Variants in EPB41L4A observed in about 807,000 individuals in gnomAD.
EPB41L4A encodes the protein band 4.1-like protein 4A.
EPB41L4A carries 100 observed loss-of-function variants against 108.6 expected under a neutral mutation model. The observed-to-expected ratio is 0.92, with a 90% CI of 0.78 to 1.09. The LOEUF is 1.09. Ranked by LOEUF, EPB41L4A falls within the 50% of genes least tolerant of loss-of-function variation. The probability of loss-of-function intolerance (pLI) is 0.00; values close to 1 mark genes in which losing one functional copy is unlikely to be tolerated. For synonymous variants in EPB41L4A, 319 were observed against 289.0 expected (o/e 1.10, Z -1.05); for missense variants, 1,030 against 842.7 (o/e 1.22, Z -2.75).
At chr5:112,390,623 T>C (rs540073784) in intron 1 of EPB41L4A, among the ~76,000 whole-genome samples, 16 of 152,290 alleles carry the variant, frequency 1.1e-4, no homozygotes, top group African/African-American at 3.8e-4. Flanking sequence ...GGGCACGGCA[T>C]AGCTGAACAA....
intron 3 of EPB41L4A, among the ~76,000 whole-genome samples, chr5:112,278,361 T>TC (rs1390788697): frequency 2.6e-5 from 4 of 151,686 alleles, no homozygotes; most frequent in Admixed American, 2.6e-4. Flanking sequence ...AGCCATCCTC[T>TC]CTGCCTCAGC....
At chr5:112,407,243 T>G (rs920294191) in intron 1 of EPB41L4A, among the ~76,000 whole-genome samples, 2 of 152,220 alleles carry the variant, frequency 1.3e-5, no homozygotes, top group African/African-American at 4.8e-5. Context: ...GTTTGAATAC[T>G]ATTGACTTTT....
chr5:112,254,759 AC>A (rs1280174529), intron 9 of EPB41L4A, among the ~76,000 whole-genome samples: 3 of 151,050 alleles, frequency 2.0e-5, no homozygotes, highest in Non-Finnish European at 4.4e-5. Context: ...TATCTCAGTC[AC>A]CCCCCAGTAA....
chr5:112,281,998 A>T (rs1752994501), intron 2 of EPB41L4A, among the ~76,000 whole-genome samples: 1 of 152,072 alleles, frequency 6.6e-6, no homozygotes, highest in Non-Finnish European at 1.5e-5. Flanking sequence ...TAGCAACTAA[A>T]AACTAAAAAT....
intron 1 of EPB41L4A, among the ~76,000 whole-genome samples, chr5:112,332,663 C>A (rs988163317): frequency 6.6e-6 from 1 of 152,140 alleles, no homozygotes; most frequent in East Asian, 1.9e-4. Context: ...ATTTGACTGA[C>A]ACCAGGTTAT....
chr5:112,414,185 T>G (rs1762575505), intron 1 of EPB41L4A, among the ~76,000 whole-genome samples: 1 of 152,168 alleles, frequency 6.6e-6, no homozygotes, highest in African/African-American at 2.4e-5. Context: ...GAAGCACGTG[T>G]AAAGATACTT....
rs201959084 is a variant in EPB41L4A at position 112,262,514 on chromosome 5, C to A, written c.622G>T (p.Val208Phe). Residue 208 changes from valine to phenylalanine, a missense_variant, in exon 7 of 23, where the codon GTT becomes TTT. Val to Phe is a conservative substitution (Grantham distance 50, BLOSUM62 -1). Transcript: ENST00000261486. Reference sequence around the variant, plus strand: ...CTCACATAGACGGGATGGAGGTCAACGCCATACATCTCCAGGGATTTGGCA... The same window carrying A: ...CTCACATAGACGGGATGGAGGTCAAAGCCATACATCTCCAGGGATTTGGCA... Reference protein sequence around the residue: ...RTAKSLEMYGVDLHPVYGENK... With the variant: ...RTAKSLEMYGFDLHPVYGENK... 2.5e-6 allele frequency: 4 copies of A among 1,613,804 alleles called. No individual in the cohort carries two copies. Among genetic ancestry groups the A allele is most frequent in the Admixed American group, 1.7e-5 (1 of 60,020 alleles).
chr5:112,369,556 A>G (rs1232573702), intron 1 of EPB41L4A, among the ~76,000 whole-genome samples: 1 of 152,184 alleles, frequency 6.6e-6, no homozygotes, highest in Non-Finnish European at 1.5e-5. Flanking sequence ...CCACTTATTT[A>G]CAATAATGGA....
chr5:112,418,980 T>A lies in EPB41L4A; in HGVS notation c.60A>T (p.Glu20Asp). ...EFYCEVLLLD[E>D]SKLTLTTQQQ... The stretch of plus-strand genomic sequence containing the variant: ...GCTGGGTGGTAAGGGTTAACTTGGA[T>A]TCATCCAGGAGCAAAACTTCGCAGT... The change falls in exon 1 of 23, where the codon GAA (glutamate) becomes GAT (aspartate). Residue 20 changes from glutamate to aspartate, a missense_variant. Glu to Asp is a conservative substitution (Grantham distance 45). Transcript: ENST00000261486. 2 of 1,613,388 alleles carry A rather than the reference T, an allele frequency of 1.2e-6. No homozygotes were observed. Among genetic ancestry groups the A allele is most frequent in the Non-Finnish European group, 1.7e-6 (2 of 1,179,658 alleles).
chr5:112,314,562 T>C (rs1232077622), intron 1 of EPB41L4A, among the ~76,000 whole-genome samples: 1 of 129,414 alleles, frequency 7.7e-6, no homozygotes, highest in African/African-American at 3.0e-5. Flanking sequence ...CCAAGCATGA[T>C]GGCAGGCGCC....
chr5:112,279,132 C>T lies in EPB41L4A; in HGVS notation c.256+1140G>A, dbSNP rs552106141. On this transcript the variant is annotated intron_variant, in intron 3 of 22. Transcript: ENST00000261486. ...GTTTTCCAACTGGTATTTTTTTAAT[C>T]GGTTCAAATATGCTAGAGCTGTAAC... Among the ~76,000 whole-genome samples the T allele has an allele frequency of 7.4e-5, 11 of 148,760 alleles. No individual in the cohort carries two copies. The East Asian group carries it at 1.6e-3, about 21-fold the overall frequency.
At chr5:112,145,349 T>C (rs1247429833) in intron 13 of EPB41L4A, among the ~76,000 whole-genome samples, 2 of 152,224 alleles carry the variant, frequency 1.3e-5, no homozygotes, top group African/African-American at 4.8e-5. Context: ...TGCACCACCA[T>C]TTTAGAGATC....
At chr5:112,180,602 A>G (rs1761095241) in intron 18 of EPB41L4A, among the ~76,000 whole-genome samples, 1 of 152,036 alleles carries the variant, frequency 6.6e-6, no homozygotes, top group African/African-American at 2.4e-5. Context: ...AAGCTGCTAG[A>G]AAAAGATATA....
chr5:112,144,097 A>T (rs57349429), intron 13 of EPB41L4A, among the ~76,000 whole-genome samples: 31,521 of 152,104 alleles, frequency 0.21, 4,034 homozygotes, highest in African/African-American at 0.37. Flanking sequence ...TTCTCCCTAT[A>T]ATCATTCCTT....
intron 18 of EPB41L4A, among the ~76,000 whole-genome samples, chr5:112,179,530 T>C (rs572979894): frequency 5.3e-5 from 8 of 152,228 alleles, no homozygotes; most frequent in African/African-American, 7.2e-5. Flanking sequence ...TCATTCAAAA[T>C]TGAATCCATT....
chr5:112,222,136 G>A (rs1340716773), intron 12 of EPB41L4A, among the ~76,000 whole-genome samples: 1 of 152,174 alleles, frequency 6.6e-6, no homozygotes, highest in Non-Finnish European at 1.5e-5. Context: ...TAAAGTAAAA[G>A]TAGGCTGACT....
At chr5:112,386,947 G>A (rs909217881) in intron 1 of EPB41L4A, among the ~76,000 whole-genome samples, 1 of 152,196 alleles carries the variant, frequency 6.6e-6, no homozygotes. Flanking sequence ...ACCACTGACA[G>A]TGTTCCTATC....
intron 2 of EPB41L4A, among the ~76,000 whole-genome samples, chr5:112,301,163 T>G (rs1023318087): frequency 2.3e-4 from 35 of 152,178 alleles, no homozygotes; most frequent in Non-Finnish European, 4.4e-4. Context: ...CAGGGACTTT[T>G]TCTCGGTTTA....
chr5:112,246,219 G>A lies in EPB41L4A; in HGVS notation c.796-5409C>T, dbSNP rs538175577. ...TCTTTTTTTAAATATCCAGTCATGC[G>A]TTGTATAAGGATGTCTTGGTCAATG... is the stretch of plus-strand genomic sequence containing the variant. On this transcript the variant is annotated intron_variant, in intron 9 of 22. Coordinates refer to ENST00000261486, the MANE Select transcript of EPB41L4A (RefSeq NM_022140.5). Among the ~76,000 whole-genome samples, 55 of 152,110 alleles carry A rather than the reference G, an allele frequency of 3.6e-4. No individual in the cohort carries two copies. The Middle Eastern group carries it at 0.01, about 28-fold the overall frequency.
Sources: allele counts gnomAD v4.1 joint callset (sites outside exome capture counted in the v4.1 genomes callset), GRCh38; gene constraint gnomAD v4.1.1; transcripts MANE v1.5; gene names NCBI Gene and HGNC (gene_info 2026-07-23, HGNC 2026-07-21).